Variants in RPA3 observed in about 807,000 individuals in gnomAD.
RPA3 encodes the protein replication protein A 14 kDa subunit.
Under a neutral mutation model 13.7 loss-of-function variants are expected in RPA3, and 24 were observed. That is an observed-to-expected ratio of 1.75 (90% CI 1.27 to 2.46). The LOEUF (loss-of-function observed/expected upper bound fraction) is 2.46, where lower values mean the gene tolerates loss of function less well. Among genes scored for constraint, RPA3 ranks in the 30% most tolerant of loss-of-function variants. The pLI, the probability that RPA3 is intolerant of heterozygous loss-of-function variation, is 0.00. For synonymous variants in RPA3, 59 were observed against 51.2 expected (o/e 1.15, Z -0.65); for missense variants, 183 against 151.0 (o/e 1.21, Z -1.11).
chr7:7,647,058 A>G (rs1394624021), intron 4 of RPA3, among the ~76,000 whole-genome samples: 2 of 151,986 alleles, frequency 1.3e-5, no homozygotes, highest in African/African-American at 2.4e-5. Context: ...TCTTTTATTT[A>G]TTCTCCAAGA....
intron 4 of RPA3, among the ~76,000 whole-genome samples, chr7:7,675,301 A>G (rs1583721012): frequency 6.6e-6 from 1 of 152,194 alleles, no homozygotes; most frequent in Non-Finnish European, 1.5e-5. Flanking sequence ...TAAACTTTTT[A>G]TTCATCTACT....
intron 2 of RPA3, among the ~76,000 whole-genome samples, chr7:7,691,765 A>C (rs1438107801): frequency 6.6e-6 from 1 of 152,202 alleles, no homozygotes; most frequent in Non-Finnish European, 1.5e-5. Context: ...TCGAATTAAA[A>C]TTTGATGGTA....
chr7:7,708,292 C>T (rs1780656806), intron 2 of RPA3, among the ~76,000 whole-genome samples: 1 of 152,126 alleles, frequency 6.6e-6, no homozygotes, highest in African/African-American at 2.4e-5. Context: ...CTCCCTTTCA[C>T]CCTTGGTTTA....
intron 1 of RPA3, among the ~76,000 whole-genome samples, 193 bp from the exon 2 acceptor site, chr7:7,715,419 A>G (rs1780876910): frequency 6.6e-6 from 1 of 152,218 alleles, no homozygotes; most frequent in African/African-American, 2.4e-5. Context: ...TGATAACCAA[A>G]GCTAGTTCCC....
At chr7:7,714,808 A>T (rs1780852744) in intron 2 of RPA3, among the ~76,000 whole-genome samples, 1 of 150,852 alleles carries the variant, frequency 6.6e-6, no homozygotes, top group South Asian at 2.1e-4. Flanking sequence ...ACTTGTGTAG[A>T]GTAATTTTTT....
intron 2 of RPA3, among the ~76,000 whole-genome samples, chr7:7,711,606 T>C (rs1780765865): frequency 6.6e-6 from 1 of 152,160 alleles, no homozygotes; most frequent in Non-Finnish European, 1.5e-5. Flanking sequence ...TATAATGGAA[T>C]TGGACATTTT....
intron 2 of RPA3, among the ~76,000 whole-genome samples, chr7:7,709,878 C>A (rs1780708899): frequency 6.6e-6 from 1 of 151,888 alleles, no homozygotes; most frequent in Non-Finnish European, 1.5e-5. Context: ...TTCTTGTTAA[C>A]CTTGAAGTTC....
At chr7:7,657,965 GT>G (rs1785382350) in intron 4 of RPA3, among the ~76,000 whole-genome samples, 1 of 152,156 alleles carries the variant, frequency 6.6e-6, no homozygotes, top group Non-Finnish European at 1.5e-5. Context: ...TTTTCCATTT[GT>G]TTGTGTCCTC....
intron 4 of RPA3, among the ~76,000 whole-genome samples, chr7:7,652,825 G>A (rs745659366): frequency 4.6e-5 from 7 of 152,174 alleles, no homozygotes; most frequent in Non-Finnish European, 8.8e-5. Flanking sequence ...ATGCAGTCAG[G>A]CTATATTGAA....
At chr7:7,658,877 A>C (rs952600870) in intron 4 of RPA3, among the ~76,000 whole-genome samples, 8 of 152,282 alleles carry the variant, frequency 5.3e-5, no homozygotes, top group Middle Eastern at 3.4e-3. Flanking sequence ...TTCAGAAGGA[A>C]TGGTACCAGC....
rs533642274 is a variant in RPA3 at position 7,636,719 on chromosome 7, C to T, written c.*281G>A. Reference sequence around the variant, plus strand: ...AATGAAAATGAAATGACCGATAGTACGTACCATTTTAGTTTTTATTAATAA... The same window carrying T: ...AATGAAAATGAAATGACCGATAGTATGTACCATTTTAGTTTTTATTAATAA... On this transcript the variant is annotated 3_prime_UTR_variant, in exon 8 of 8. Coordinates refer to ENST00000223129, the MANE Select transcript of RPA3 (RefSeq NM_002947.5). 20 of 316,008 alleles carry T rather than the reference C, an allele frequency of 6.3e-5. No homozygotes were observed. In the East Asian group the frequency reaches 9.1e-4, roughly 14 times the overall value. The allele number at this position is 316,008 out of a possible 1,614,324, so 19.6% of individuals were successfully genotyped here.
chr7:7,687,759 A>C (rs2115132419), intron 2 of RPA3, among the ~76,000 whole-genome samples: 1 of 152,378 alleles, frequency 6.6e-6, no homozygotes, highest in East Asian at 1.9e-4. Flanking sequence ...ACATATTTTT[A>C]ATGATAAGTA....
rs966818210 is a variant in RPA3 at position 7,641,068 on chromosome 7, C to G, written c.-650G>C. On this transcript the variant is annotated 5_prime_UTR_variant, in exon 5 of 8. Coordinates refer to ENST00000223129, the MANE Select transcript of RPA3 (RefSeq NM_002947.5). ...TACCCGCCCCCTTGGAGATGGGCAG[C>G]GGGGTCATCAGTGATCTTGATCACT... 1 of 152,662 alleles carries G rather than the reference C, an allele frequency of 6.6e-6. No homozygotes were observed. The highest frequency in any genetic ancestry group is 2.4e-5 in the African/African-American group (1 of 41,418). The allele number at this position is 152,662 out of a possible 1,614,324, so 9.5% of individuals were successfully genotyped here.
At chr7:7,641,448 A>G (rs1456634541) in intron 4 of RPA3, 1 of 152,210 alleles carries the variant, frequency 6.6e-6, no homozygotes, top group Non-Finnish European at 1.5e-5. Flanking sequence ...GTTAGGCGGA[A>G]TGATTTGCAA....
intron 1 of RPA3, among the ~76,000 whole-genome samples, chr7:7,717,405 T>TG (rs1258916525): frequency 3.3e-5 from 5 of 152,236 alleles, no homozygotes; most frequent in Non-Finnish European, 7.3e-5. Flanking sequence ...TCACTCCTTG[T>TG]GTGTCCTCGT....
At chr7:7,690,043 G>A (rs1780137231) in intron 2 of RPA3, among the ~76,000 whole-genome samples, 1 of 152,130 alleles carries the variant, frequency 6.6e-6, no homozygotes, top group Non-Finnish European at 1.5e-5. Flanking sequence ...CCCATCTAAA[G>A]TGATGGGAAA....
chr7:7,711,716 A>C (rs1403613629), intron 2 of RPA3, among the ~76,000 whole-genome samples: 1 of 152,084 alleles, frequency 6.6e-6, no homozygotes, highest in East Asian at 1.9e-4. Flanking sequence ...AGTTGATTCT[A>C]AGGGGATCTA....
chr7:7,638,209 G>T, intron 6 of RPA3: 1 of 364,876 alleles, frequency 2.7e-6, no homozygotes, highest in Non-Finnish European at 5.1e-6. Context: ...TACAATTCAA[G>T]TTAAAGACAA....
intron 4 of RPA3, among the ~76,000 whole-genome samples, chr7:7,684,720 A>G (rs1472127728): frequency 6.6e-6 from 1 of 152,204 alleles, no homozygotes; most frequent in African/African-American, 2.4e-5. Flanking sequence ...GCCATAGTAC[A>G]ACTATGAATT....
Sources: gnomAD v4.1 joint callset for allele counts (sites outside exome capture counted in the v4.1 genomes callset) on GRCh38, gnomAD v4.1.1 for gene constraint, MANE v1.5 for transcripts, NCBI Gene and HGNC (gene_info 2026-07-23, HGNC 2026-07-21) for gene names.